The following PHACTR1 variants were observed in gnomAD, a reference collection of about 807,000 sequenced individuals.
PHACTR1 encodes phosphatase and actin regulator 1.
Under a neutral mutation model 69.2 loss-of-function variants are expected in PHACTR1, and 16 were observed. The ratio of observed to expected loss-of-function variants is 0.23; its 90% confidence interval spans 0.16 to 0.35. PHACTR1 has a LOEUF of 0.35. Ranked by LOEUF, PHACTR1 falls within the 10% of genes least tolerant of loss-of-function variation. The pLI is 1.00. For missense variants in PHACTR1, 510 were observed against 734.7 expected (o/e 0.69, Z 3.54); for synonymous variants, 312 against 284.5 (o/e 1.10, Z -0.97).
At chr6:13,250,662 C>T (rs115618295) in intron 10 of PHACTR1, among the ~76,000 whole-genome samples, 321 of 152,338 alleles carry the variant, frequency 2.1e-3, no homozygotes, top group Middle Eastern at 6.8e-3. Context: ...AAATAAATAT[C>T]AGCAGGTGTG....
chr6:13,144,346 T>C (rs1397442348), intron 5 of PHACTR1, among the ~76,000 whole-genome samples: 3 of 152,180 alleles, frequency 2.0e-5, no homozygotes, highest in African/African-American at 7.2e-5. Flanking sequence ...ACTAAATGAA[T>C]TTAGCAAGAT....
chr6:12,958,391 GA>G (rs1157174715), intron 4 of PHACTR1, among the ~76,000 whole-genome samples: 2 of 152,198 alleles, frequency 1.3e-5, no homozygotes, highest in African/African-American at 4.8e-5. Flanking sequence ...GACAGGAAAG[GA>G]AAAATTGAAT....
At chr6:13,258,253 G>A (rs994005864) in intron 10 of PHACTR1, among the ~76,000 whole-genome samples, 3 of 152,088 alleles carry the variant, frequency 2.0e-5, no homozygotes, top group Admixed American at 1.3e-4. Context: ...AGCTTCTAGG[G>A]GGGAGGCAGG....
Position 13,287,097 on chromosome 6 carries a change from GT to G in PHACTR1, c.*20del. On this transcript the variant is annotated 3_prime_UTR_variant, in exon 15 of 15. Transcript: ENST00000332995. ...ACCTTAACAGTCGAATTCCTCTTGA[GT>G]GCTATGCTGTCTTCAAAACATAAAT... The G allele has an allele frequency of 6.3e-7, 1 of 1,597,332 alleles. No individual in the cohort carries two copies. The highest frequency in any genetic ancestry group is 8.5e-7 in the Non-Finnish European group (1 of 1,169,708).
chr6:13,119,808 C>A, intron 5 of PHACTR1, among the ~76,000 whole-genome samples: 1 of 152,190 alleles, frequency 6.6e-6, no homozygotes, highest in East Asian at 1.9e-4. Flanking sequence ...CATGAGAAGC[C>A]GACGGGTGTT....
chr6:13,062,723 T>A (rs139309070), intron 5 of PHACTR1, among the ~76,000 whole-genome samples: 30 of 152,308 alleles, frequency 2.0e-4, no homozygotes, highest in Non-Finnish European at 2.6e-4. Flanking sequence ...CATTTGCAAT[T>A]CTTGGAGTAG....
At chr6:13,048,754 A>T (rs1805487963) in intron 4 of PHACTR1, among the ~76,000 whole-genome samples, 1 of 151,394 alleles carries the variant, frequency 6.6e-6, no homozygotes, top group Non-Finnish European at 1.5e-5. Flanking sequence ...CTGGTCTTGA[A>T]CTCCTGACCT....
At chr6:12,969,916 T>A (rs1793977163) in intron 4 of PHACTR1, among the ~76,000 whole-genome samples, 1 of 152,158 alleles carries the variant, frequency 6.6e-6, no homozygotes, top group Non-Finnish European at 1.5e-5. Flanking sequence ...TGAGCCGAGA[T>A]CATGCCACTG....
In PHACTR1 at chr6:13,031,942, G is replaced by C. The variant is rs760774907; in HGVS notation, c.251-21423G>C. Among the ~76,000 whole-genome samples, 22 of 152,188 alleles carry C rather than the reference G, an allele frequency of 1.4e-4. 1 individual carries two copies. Among genetic ancestry groups the C allele is most frequent in the Non-Finnish European group, 2.9e-5 (2 of 68,032 alleles). On this transcript the variant is annotated intron_variant, in intron 4 of 14. Transcript: ENST00000332995. Reference sequence around the variant, plus strand: ...GTCACTTACAGAGGATGTGGAGAAAGATGTCAGTATTTAAATTATCTTGAA... The same window carrying C: ...GTCACTTACAGAGGATGTGGAGAAACATGTCAGTATTTAAATTATCTTGAA...
chr6:13,282,525 A>G (rs1046669326), intron 12 of PHACTR1, among the ~76,000 whole-genome samples: 5 of 152,054 alleles, frequency 3.3e-5, no homozygotes, highest in Admixed American at 6.5e-5. Flanking sequence ...CTTTTTCTGT[A>G]CTTACTCAAC....
chr6:12,940,905 A>C (rs539677421), intron 4 of PHACTR1, among the ~76,000 whole-genome samples: 2 of 152,036 alleles, frequency 1.3e-5, no homozygotes, highest in East Asian at 3.9e-4. Flanking sequence ...AATGATTCTT[A>C]CTACTGTCAC....
At chr6:13,064,539 A>C (rs1200607531) in intron 5 of PHACTR1, among the ~76,000 whole-genome samples, 5 of 117,816 alleles carry the variant, frequency 4.2e-5, no homozygotes, top group African/African-American at 1.5e-4. Context: ...GAAGGGGAGA[A>C]GGGAAAAGAT....
At chr6:13,281,730 A>G (rs1486876023) in intron 12 of PHACTR1, among the ~76,000 whole-genome samples, 1 of 152,226 alleles carries the variant, frequency 6.6e-6, no homozygotes, top group East Asian at 1.9e-4. Flanking sequence ...ATCTCCCTGC[A>G]CTCACATTGT....
rs1387354381 is a variant in PHACTR1 at position 13,017,198 on chromosome 6, AAAAAAAAAAAT to A, written c.251-36166_251-36156del. Among the ~76,000 whole-genome samples the A allele has an allele frequency of 9.2e-4, 139 of 151,362 alleles. 3 individuals are homozygous for A. The highest frequency in any genetic ancestry group is 3.1e-3 in the African/African-American group (129 of 41,124). ...GAGACTCTGTCTCAAAAAAAAAAAA[AAAAAAAAAAAT>A]GCATCAACAACAACCAAGACACTTT... On this transcript the variant is annotated intron_variant, in intron 4 of 14. Transcript: ENST00000332995.
chr6:12,935,803 A>C (rs1315186685), intron 4 of PHACTR1, among the ~76,000 whole-genome samples: 3 of 152,122 alleles, frequency 2.0e-5, no homozygotes, highest in Non-Finnish European at 4.4e-5. Context: ...CAAAGCCCCA[A>C]GGACTAGCTG....
At chr6:13,120,730 C>G (rs995110988) in intron 5 of PHACTR1, among the ~76,000 whole-genome samples, 1 of 152,184 alleles carries the variant, frequency 6.6e-6, no homozygotes, top group African/African-American at 2.4e-5. Flanking sequence ...CCTGCCCCCA[C>G]TTGTAGGAAA....
intron 6 of PHACTR1, among the ~76,000 whole-genome samples, chr6:13,177,162 A>C (rs1761428753): frequency 8.4e-6 from 1 of 118,888 alleles, no homozygotes; most frequent in South Asian, 3.0e-4. Flanking sequence ...AAATAGCAAG[A>C]CCCCATCTCT....
chr6:12,816,138 A>G (rs1263317810), intron 4 of PHACTR1, among the ~76,000 whole-genome samples: 1 of 152,234 alleles, frequency 6.6e-6, no homozygotes, highest in Admixed American at 6.5e-5. Flanking sequence ...TTGGAACTGC[A>G]TAAAAGGCTC....
At chr6:13,151,806 A>G (rs1824354644) in intron 5 of PHACTR1, among the ~76,000 whole-genome samples, 1 of 152,162 alleles carries the variant, frequency 6.6e-6, no homozygotes, top group African/African-American at 2.4e-5. Context: ...AGATGGAGGC[A>G]GTAGTGGATT....
Sources: gnomAD v4.1 joint callset for allele counts (sites outside exome capture counted in the v4.1 genomes callset) on GRCh38, gnomAD v4.1.1 for gene constraint, MANE v1.5 for transcripts, NCBI Gene and HGNC (gene_info 2026-07-23, HGNC 2026-07-21) for gene names.